Variants in NR3C1 observed in about 807,000 individuals in gnomAD.
NR3C1 encodes the protein nuclear receptor subfamily 3 group C member 1, also known as glucocorticoid receptor.
Under a neutral mutation model 74.0 loss-of-function variants are expected in NR3C1, and 14 were observed. The observed-to-expected ratio is 0.19, with a 90% CI of 0.12 to 0.30. The LOEUF (loss-of-function observed/expected upper bound fraction) is 0.30, where lower values mean the gene tolerates loss of function less well. NR3C1 is among the 10% of genes least tolerant of loss of function. The probability of loss-of-function intolerance (pLI) is 1.00; values close to 1 mark genes in which losing one functional copy is unlikely to be tolerated. For missense variants in NR3C1, 695 were observed against 909.8 expected, an observed-to-expected ratio of 0.76 and a Z score of 3.04; for synonymous variants, 308 against 332.5, an observed-to-expected ratio of 0.93 and a Z score of 0.80.
rs945024945 is a variant in NR3C1 at position 143,285,608 on chromosome 5, CAT to C, written c.2024-2885_2024-2884del. Among the ~76,000 whole-genome samples, 8 of 152,044 alleles carry C rather than the reference CAT, an allele frequency of 5.3e-5. No individual in the cohort carries two copies. The South Asian group carries it at 6.2e-4, about 12-fold the overall frequency. ...GATTAAAATAGAAGTCAGTAACAAA[CAT>C]ATCTGGAGAAAAACCCAAATGTTTA... On this transcript the variant is annotated intron_variant, in intron 7 of 8. Coordinates refer to ENST00000394464, the MANE Select transcript of NR3C1 (RefSeq NM_000176.3).
At chr5:143,372,557 A>T (rs1834407465) in intron 2 of NR3C1, among the ~76,000 whole-genome samples, 1 of 152,238 alleles carries the variant, frequency 6.6e-6, no homozygotes, top group Admixed American at 6.5e-5. Flanking sequence ...ACTGCGGGTA[A>T]CTGAAACCTT....
upstream of NR3C1, chr5:143,404,201 C>T (rs896913999): frequency 1.0e-6 from 1 of 985,396 alleles, no homozygotes; most frequent in African/African-American, 1.7e-5. Context: ...GTGAGTGGCC[C>T]GCGCCGCCGC....
In NR3C1 at chr5:143,278,952, C is replaced by G. The variant is rs1216431379; in HGVS notation, c.*2937G>C. ...TTTAGGCATTTGGATATATATACCC[C>G]AAAAGTGTTATGTCCTAAGTGCCTC... On this transcript the variant is annotated 3_prime_UTR_variant, in exon 9 of 9. Transcript: ENST00000394464. The G allele has an allele frequency of 1.2e-5, 2 of 172,968 alleles. No homozygotes were observed. The highest frequency in any genetic ancestry group is 2.4e-5 in the Non-Finnish European group (2 of 82,748). The allele number at this position is 172,968 out of a possible 1,614,324, so 10.7% of individuals were successfully genotyped here. A position where few individuals can be genotyped will look rare whatever the true frequency, so the allele number is the denominator to read the frequency against.
intron 2 of NR3C1, among the ~76,000 whole-genome samples, chr5:143,380,620 T>C (rs910201536): frequency 6.7e-6 from 1 of 149,656 alleles, no homozygotes; most frequent in African/African-American, 2.5e-5. Context: ...GTTCAAGTAG[T>C]TGATGAGTGA....
chr5:143,414,053 A>C (rs1841398023), intron 1 of NR3C1, among the ~76,000 whole-genome samples: 1 of 152,224 alleles, frequency 6.6e-6, no homozygotes, highest in Non-Finnish European at 1.5e-5. Context: ...CTGAAAATTA[A>C]GTATAGTTGT....
At chr5:143,395,663 A>G (rs1839058127) in intron 2 of NR3C1, among the ~76,000 whole-genome samples, 1 of 151,876 alleles carries the variant, frequency 6.6e-6, no homozygotes, top group Non-Finnish European at 1.5e-5. Flanking sequence ...ATTAGGAATA[A>G]TCATTAAAGT....
At chr5:143,306,374 T>C (rs1561522957) in intron 4 of NR3C1, among the ~76,000 whole-genome samples, 1 of 152,056 alleles carries the variant, frequency 6.6e-6, no homozygotes, top group Non-Finnish European at 1.5e-5. Context: ...AAAAAAAGTG[T>C]GAAACACATG....
chr5:143,400,123 T>C lies in NR3C1; in HGVS notation c.717A>G (p.Gly239=), dbSNP rs759324563. The stretch of plus-strand genomic sequence containing the variant: ...GAGGCTTGCAGTCCTCATTCGAGTT[T>C]CCTTCCAAAAGGAATGAATCGTCTT... ...AGEDDSFLLE[G]NSNEDCKPLI... The change falls in exon 2 of 9, where the codon GGA becomes GGG. Residue 239 remains glycine (G), a synonymous_variant. Transcript: ENST00000394464. 6.2e-7 allele frequency: 1 copy of C among 1,614,222 alleles called. No homozygotes were observed. The highest frequency in any genetic ancestry group is 2.2e-5 in the East Asian group (1 of 44,886).
chr5:143,402,529 A>AT, intron 1 of NR3C1: 2 of 935,360 alleles, frequency 2.1e-6, no homozygotes, highest in Non-Finnish European at 2.6e-6. Flanking sequence ...ACAAACGCTA[A>AT]AGAGCAAGCC....
chr5:143,366,510 CAAA>C (rs112519980), intron 2 of NR3C1, among the ~76,000 whole-genome samples: 2 of 102,890 alleles, frequency 1.9e-5, no homozygotes, highest in Non-Finnish European at 3.8e-5. Flanking sequence ...AATTCTGCCT[CAAA>C]AAAAAAAAAA....
intron 4 of NR3C1, among the ~76,000 whole-genome samples, chr5:143,301,277 T>G (rs1333187610): frequency 6.6e-6 from 1 of 152,148 alleles, no homozygotes; most frequent in Non-Finnish European, 1.5e-5. Flanking sequence ...TCAAAGCCAC[T>G]TATAAAGATA....
chr5:143,313,267 A>G (rs1344921959), intron 3 of NR3C1, among the ~76,000 whole-genome samples: 1 of 152,162 alleles, frequency 6.6e-6, no homozygotes, highest in Non-Finnish European at 1.5e-5. Flanking sequence ...TGAATTTCTC[A>G]TTCTTTAGGG....
chr5:143,295,928 G>C (rs1424446159), intron 6 of NR3C1, among the ~76,000 whole-genome samples: 1 of 152,110 alleles, frequency 6.6e-6, no homozygotes, highest in Non-Finnish European at 1.5e-5. Context: ...TTTATCATTT[G>C]AATACGGTCA....
intron 2 of NR3C1, among the ~76,000 whole-genome samples, chr5:143,340,476 A>ATTTTTTT (rs3074500): frequency 6.7e-5 from 6 of 89,150 alleles, no homozygotes; most frequent in Non-Finnish European, 1.2e-4. Context: ...TTTAAAGATG[A>ATTTTTTT]TTTTTTTTTT....
At chr5:143,376,892 A>G (rs1046856297) in intron 2 of NR3C1, among the ~76,000 whole-genome samples, 1 of 152,128 alleles carries the variant, frequency 6.6e-6, no homozygotes, top group Non-Finnish European at 1.5e-5. Flanking sequence ...GCGGTGGAGG[A>G]CTGGAGATTT....
upstream of NR3C1, chr5:143,403,853 C>G (rs1326033709): frequency 5.1e-6 from 5 of 972,668 alleles, no homozygotes; most frequent in East Asian, 5.7e-4. Flanking sequence ...GCGCGGGCCC[C>G]GCCACCCCGG....
intron 1 of NR3C1, chr5:143,402,843 C>T (rs1561795654): frequency 2.0e-6 from 2 of 984,980 alleles, no homozygotes; most frequent in Non-Finnish European, 2.4e-6. Context: ...ACCACGAAAA[C>T]GGGTGTCGGG....
At chr5:143,425,512 G>T (rs765896009) in intron 1 of NR3C1, among the ~76,000 whole-genome samples, 4 of 151,936 alleles carry the variant, frequency 2.6e-5, no homozygotes, top group Non-Finnish European at 4.4e-5. Context: ...AATATATAAA[G>T]AACTTTTATA....
In NR3C1 at chr5:143,300,213, T is replaced by A. The variant is rs939978721; in HGVS notation, c.1747+272A>T. 7.9e-5 allele frequency among the ~76,000 whole-genome samples: 12 copies of A among 152,172 alleles called. No homozygotes were observed. Among genetic ancestry groups the A allele is most frequent in the Non-Finnish European group, 1.5e-4 (10 of 68,022 alleles). On this transcript the variant is annotated intron_variant, in intron 5 of 8. Transcript: ENST00000394464. This position sits in a 1 kb window ranked among gnomAD's most constrained non-coding sequence, Gnocchi z 5.2. ...CCCCAAACTTCAGTGTAAAAGGAGT[T>A]TTGAGTGAGTCTTGTAACTTGAATT...
Sources: allele counts gnomAD v4.1 joint callset (sites outside exome capture counted in the v4.1 genomes callset), GRCh38; gene constraint gnomAD v4.1.1; non-coding constraint Gnocchi (gnomAD v3.1); transcripts MANE v1.5; gene names NCBI Gene and HGNC (gene_info 2026-07-23, HGNC 2026-07-21).